The following HSD17B3 variants were observed in gnomAD, a reference collection of about 807,000 sequenced individuals.
HSD17B3 encodes 17-beta-hydroxysteroid dehydrogenase type 3.
Under a neutral mutation model 41.1 loss-of-function variants are expected in HSD17B3, and 29 were observed. That is an observed-to-expected ratio of 0.71 (90% CI 0.53 to 0.96). HSD17B3 has a LOEUF of 0.96. Ranked by LOEUF, HSD17B3 falls within the 40% of genes least tolerant of loss-of-function variation. The probability of loss-of-function intolerance (pLI) is 0.00; values close to 1 mark genes in which losing one functional copy is unlikely to be tolerated. For synonymous variants in HSD17B3, 126 were observed against 145.6 expected (o/e 0.87, Z 0.97); for missense variants, 323 against 374.6 (o/e 0.86, Z 1.14).
At chr9:96,263,821 A>C (rs985618714) in intron 2 of HSD17B3, among the ~76,000 whole-genome samples, 1 of 152,164 alleles carries the variant, frequency 6.6e-6, no homozygotes, top group African/African-American at 2.4e-5. Flanking sequence ...ATATTGCTCA[A>C]AGGATACAAA....
At chr9:96,240,475 C>T (rs1327835626) in intron 10 of HSD17B3, among the ~76,000 whole-genome samples, 1 of 152,118 alleles carries the variant, frequency 6.6e-6, no homozygotes, top group Non-Finnish European at 1.5e-5. Context: ...CGTGGAAGCG[C>T]CATATATCTT....
rs760246281 is a variant in HSD17B3, at chr9:96,246,536, T to A, written c.524+20A>T. 6.2e-7 allele frequency: 1 copy of A among 1,613,188 alleles called. No homozygotes were observed. Among genetic ancestry groups the A allele is most frequent in the Admixed American group, 1.7e-5 (1 of 60,018 alleles). On this transcript the variant is annotated intron_variant, in intron 7 of 10. Transcript: ENST00000375263. ...GCAGGGAGGCCATGTTGCTCCACAC[T>A]TTTTTGAAGAAGGCCTTACCTTGAT...
At chr9:96,254,970 G>T (rs754327875) in intron 2 of HSD17B3, 27 bp from the exon 3 acceptor site, 2 of 1,598,532 alleles carry the variant, frequency 1.3e-6, no homozygotes, top group South Asian at 2.2e-5. Flanking sequence ...AAAACCAAGA[G>T]ACAAGGATGA....
chr9:96,250,184 C>T, intron 5 of HSD17B3: 1 of 1,154,106 alleles, frequency 8.7e-7, no homozygotes, highest in South Asian at 3.2e-5. Flanking sequence ...AGGTTCTGGG[C>T]TATGGAGGGC....
chr9:96,271,613 C>T (rs116603639), intron 2 of HSD17B3, among the ~76,000 whole-genome samples: 2 of 152,128 alleles, frequency 1.3e-5, no homozygotes, highest in Non-Finnish European at 2.9e-5. Flanking sequence ...GTGTTATGAT[C>T]CAGCTTCAAC....
intron 2 of HSD17B3, among the ~76,000 whole-genome samples, chr9:96,261,067 CT>C (rs1232615513): frequency 4.6e-5 from 7 of 152,292 alleles, no homozygotes; most frequent in Non-Finnish European, 8.8e-5. Flanking sequence ...CAAGTTAACA[CT>C]GAAATCTCAG....
At chr9:96,246,086 C>A (rs1836650453) in intron 7 of HSD17B3, among the ~76,000 whole-genome samples, 3 of 152,132 alleles carry the variant, frequency 2.0e-5, no homozygotes, top group Admixed American at 6.6e-5. Context: ...AATGAACACA[C>A]CTGAGAAAAA....
chr9:96,252,034 C>T (rs1367038864), intron 4 of HSD17B3, among the ~76,000 whole-genome samples: 4 of 152,036 alleles, frequency 2.6e-5, no homozygotes, highest in Non-Finnish European at 4.4e-5. Context: ...TGCACGCGGC[C>T]GTAAAGTATC....
intron 2 of HSD17B3, among the ~76,000 whole-genome samples, chr9:96,267,591 T>C (rs1432921854): frequency 1.3e-5 from 2 of 152,122 alleles, no homozygotes; most frequent in Admixed American, 6.5e-5. Flanking sequence ...AAATTTTTAA[T>C]TTTAAGAAAT....
intron 2 of HSD17B3, among the ~76,000 whole-genome samples, chr9:96,256,557 G>C (rs1587734894): frequency 6.6e-6 from 1 of 152,154 alleles, no homozygotes; most frequent in Non-Finnish European, 1.5e-5. Flanking sequence ...TGTGATCCTA[G>C]CTACTTGGGA....
chr9:96,249,907 CA>C, intron 5 of HSD17B3, 121 bp from the exon 6 acceptor site: 1 of 1,582,156 alleles, frequency 6.3e-7, no homozygotes, highest in Non-Finnish European at 8.6e-7. Context: ...TTTCATCACT[CA>C]CCCTGCAAAT....
At chr9:96,280,627 G>C (rs1826654674) in intron 2 of HSD17B3, among the ~76,000 whole-genome samples, 1 of 152,164 alleles carries the variant, frequency 6.6e-6, no homozygotes, top group Non-Finnish European at 1.5e-5. Flanking sequence ...CCATGTCAGA[G>C]GTATTTGAGC....
intron 2 of HSD17B3, among the ~76,000 whole-genome samples, chr9:96,289,351 TA>T (rs928647895): frequency 1.3e-5 from 2 of 152,076 alleles, no homozygotes; most frequent in Non-Finnish European, 2.9e-5. Context: ...TAAAGTCCAT[TA>T]AAAATGTTTT....
chr9:96,285,721 A>G (rs2147253), intron 2 of HSD17B3, among the ~76,000 whole-genome samples: 73,451 of 151,946 alleles, frequency 0.48, 18,642 homozygotes, highest in East Asian at 0.66. Context: ...CCCTCACAAT[A>G]TTGATGCCTT....
At chr9:96,257,654 T>C (rs1245846894) in intron 2 of HSD17B3, among the ~76,000 whole-genome samples, 1 of 152,228 alleles carries the variant, frequency 6.6e-6, no homozygotes, top group African/African-American at 2.4e-5. Flanking sequence ...TATTGCTCCA[T>C]GGTATTCTAG....
intron 10 of HSD17B3, among the ~76,000 whole-genome samples, chr9:96,236,688 G>T (rs8190568): frequency 0.024 from 3,640 of 152,130 alleles, 81 homozygotes; most frequent in African/African-American, 0.061. Context: ...TTATCAACAT[G>T]CAGCACTTGC....
intron 9 of HSD17B3, among the ~76,000 whole-genome samples, chr9:96,241,977 G>GAAAGAAAGAAAA: frequency 8.7e-6 from 1 of 114,548 alleles, no homozygotes; most frequent in Non-Finnish European, 1.8e-5. Flanking sequence ...AAGAAAGAAA[G>GAAAGAAAGAAAA]AAAGAAAGAA....
chr9:96,235,594 G>T (rs762017705), intron 10 of HSD17B3, 24 bp from the exon 11 acceptor site: 249 of 1,585,704 alleles, frequency 1.6e-4, no homozygotes, highest in Non-Finnish European at 1.0e-4. Flanking sequence ...AAGCATCAGT[G>T]TTGGGGAGGA....
At position 96,235,529 on chromosome 9, in the gene HSD17B3, G is replaced by A. The variant is rs552614077; in HGVS notation, c.864C>T (p.Ser288=). 31 of 1,614,134 alleles carry A rather than the reference G, an allele frequency of 1.9e-5. No homozygotes were observed. The highest frequency in any genetic ancestry group is 6.7e-5 in the Admixed American group (4 of 60,024). The change falls in exon 11 of 11, where the codon AGC becomes AGT. Residue 288 remains serine, a synonymous_variant. Transcript: ENST00000375263. ...LSLIPAWAFY[S]GAFQRLLLTH... Reference sequence around the variant, plus strand: ...TCAGGAGCAGCCTTTGGAAGGCACCGCTGTAGAAGGCCCAGGCCGGGATCA... The same window carrying A: ...TCAGGAGCAGCCTTTGGAAGGCACCACTGTAGAAGGCCCAGGCCGGGATCA...
Sources: gnomAD v4.1 joint callset for allele counts (sites outside exome capture counted in the v4.1 genomes callset) on GRCh38, gnomAD v4.1.1 for gene constraint, MANE v1.5 for transcripts, NCBI Gene and HGNC (gene_info 2026-07-23, HGNC 2026-07-21) for gene names.